Variants in CNOT1 observed in about 807,000 individuals in gnomAD.
CNOT1 encodes CCR4-NOT transcription complex subunit 1.
Under a neutral mutation model 273.8 loss-of-function variants are expected in CNOT1, and 15 were observed. The ratio of observed to expected loss-of-function variants is 0.05; its 90% CI spans 0.04 to 0.08. The LOEUF is 0.08. Ranked by LOEUF, CNOT1 falls within the 10% of genes least tolerant of loss-of-function variation. The pLI is 1.00. For synonymous variants in CNOT1, 1,022 were observed against 1,005.5 expected (o/e 1.02, Z -0.31); for missense variants, 1,644 against 2,912.2 (o/e 0.56, Z 10.02).
At chr16:58,587,324 C>A (rs1296736161) in intron 5 of CNOT1, 21 bp downstream of exon 5, 2 of 1,613,828 alleles carry the variant, frequency 1.2e-6, no homozygotes, top group East Asian at 4.5e-5. Flanking sequence ...TTGTCTACAT[C>A]TCTTTTCATA....
At chr16:58,597,007 C>A (rs569133573) in intron 2 of CNOT1, among the ~76,000 whole-genome samples, 1 of 150,852 alleles carries the variant, frequency 6.6e-6, no homozygotes, top group South Asian at 2.1e-4. Flanking sequence ...AGTCCTCTTG[C>A]CAAACAGGAC....
At chr16:58,522,555 A>AGTGTGT (rs10701404) in intron 47 of CNOT1, among the ~76,000 whole-genome samples, 3 of 151,500 alleles carry the variant, frequency 2.0e-5, no homozygotes, top group South Asian at 2.1e-4. Context: ...CAATTTTTAA[A>AGTGTGT]GTGTGTGTGT....
Position 58,558,587 on chromosome 16 carries a change from A to C in CNOT1, c.2218T>G (p.Leu740Val). ...TQSMQGFPPN[L>V]GSAFSTPQSP... is the part of the protein sequence containing the mutation. ...TGAGGGGTACTGAATGCAGAACCCA[A>C]ATTTGGAGGAAAACCCTGCATACTC... The change falls in exon 18 of 49, where the codon TTG becomes GTG. Residue 740 changes from leucine to valine, a missense_variant. Transcript: ENST00000317147. 6.2e-7 allele frequency: 1 copy of C among 1,613,344 alleles called. No individual in the cohort carries two copies. Among genetic ancestry groups the C allele is most frequent in the Non-Finnish European group, 8.5e-7 (1 of 1,179,668 alleles).
Position 58,541,590 on chromosome 16 carries a change from C to T in CNOT1, c.4711G>A (p.Val1571Ile). 1 of 1,614,016 alleles carries T rather than the reference C, an allele frequency of 6.2e-7. No homozygotes were observed. Among genetic ancestry groups the T allele is most frequent in the Non-Finnish European group, 8.5e-7 (1 of 1,179,914 alleles). The change falls in exon 34 of 49, where the codon GTT (valine) becomes ATT (isoleucine). Residue 1571 changes from valine (V) to isoleucine (I), a missense_variant. Physicochemically the swap from Val to Ile is conservative, Grantham distance 29. Transcript: ENST00000317147. ...ACATTGCGTGCAAACTCTTCGTAAA[C>T]AGCCAACTGCTTTGGGTCCACACCA... ...VGGVDPKQLAVYEEFARNVPG... is the reference protein window; with the variant it reads ...VGGVDPKQLAIYEEFARNVPG...
intron 18 of CNOT1, 95 bp from the exon 19 acceptor site, chr16:58,557,088 TAA>T (rs2040656280): frequency 2.1e-6 from 3 of 1,432,826 alleles, no homozygotes; most frequent in African/African-American, 2.9e-5. Flanking sequence ...ACTTTTAAAA[TAA>T]AGTCATAGTA....
chr16:58,571,532 C>T (rs1198490433), intron 16 of CNOT1, among the ~76,000 whole-genome samples: 4 of 152,064 alleles, frequency 2.6e-5, no homozygotes, highest in Admixed American at 6.6e-5. Flanking sequence ...CACACTCCAG[C>T]CTGGGTGACA....
chr16:58,546,964 A>G (rs2151922972), intron 27 of CNOT1, among the ~76,000 whole-genome samples: 1 of 152,312 alleles, frequency 6.6e-6, no homozygotes, highest in South Asian at 2.1e-4. Flanking sequence ...CCTATATCAC[A>G]TTTCAAAAAC....
In CNOT1 at chr16:58,576,422, T is replaced by G. The variant is rs1324557586; in HGVS notation, c.1704+41A>C. On this transcript the variant is annotated intron_variant, in intron 14 of 48. Coordinates refer to ENST00000317147, the MANE Select transcript of CNOT1 (RefSeq NM_016284.5). ...CACCGCGCCCGGCCTTTTTTTCTCATTAGTAAATAAACTGGTGTCAGTCTG... is the reference window on the plus strand; with the variant it reads ...CACCGCGCCCGGCCTTTTTTTCTCAGTAGTAAATAAACTGGTGTCAGTCTG... 3.1e-6 allele frequency: 5 copies of G among 1,611,988 alleles called. No individual in the cohort carries two copies. The Admixed American group carries it at 8.3e-5, about 27-fold the overall frequency.
Position 58,599,504 on chromosome 16 carries a change from C to T in CNOT1, c.-167G>A. On this transcript the variant is annotated 5_prime_UTR_variant, in exon 2 of 49. An upstream start codon of the reference 5' UTR is lost. Transcript: ENST00000317147. ...CCAGGGGTCTTACTCTGTTCTGAAA[C>T]ATGGCACCTGTTTAAAAAAACACAC... 2 of 732,780 alleles carry T rather than the reference C, an allele frequency of 2.7e-6. No homozygotes were observed. Among genetic ancestry groups the T allele is most frequent in the Non-Finnish European group, 2.1e-6 (1 of 479,096 alleles). The allele number at this position is 732,780 out of a possible 1,614,324, so 45.4% of individuals were successfully genotyped here. A position where few individuals can be genotyped will look rare whatever the true frequency, so the allele number is the denominator to read the frequency against.
intron 7 of CNOT1, among the ~76,000 whole-genome samples, chr16:58,586,255 G>A (rs2041832643): frequency 8.6e-4 from 1 of 1,158 alleles, no homozygotes; most frequent in Non-Finnish European, 1.6e-3. Context: ...GGAGGGGAGG[G>A]GAGGCGAGGG....
rs2040538541 is a variant in CNOT1, at chr16:58,553,868, CA to C, written c.2892-9del. 1.2e-6 allele frequency: 2 copies of C among 1,604,130 alleles called. No individual in the cohort carries two copies. The highest frequency in any genetic ancestry group is 1.4e-5 in the African/African-American group (1 of 74,020). ...TGGGGATAGTCCTTCAATCTGCCAA[CA>C]AAATTATTCTACCATCATTTCATGT... On this transcript the variant is annotated splice_polypyrimidine_tract_variant and intron_variant, in intron 21 of 48. Coordinates refer to ENST00000317147, the MANE Select transcript of CNOT1 (RefSeq NM_016284.5).
Position 58,528,630 on chromosome 16 carries a change from G to A in CNOT1, c.6298C>T (p.Leu2100=). Residue 2100 remains leucine (L), a synonymous_variant, in exon 44 of 49, where the codon CTG becomes TTG. Transcript: ENST00000317147. ...TCTGGGAAATCATGCAAAAGAACCA[G>A]CAGCACTCTTAAAGTGCCCTATTTT... ...ILYKGTLRVL[L]VLLHDFPEFL... The A allele has an allele frequency of 6.2e-7, 1 of 1,612,512 alleles. No homozygotes were observed. The highest frequency in any genetic ancestry group is 8.5e-7 in the Non-Finnish European group (1 of 1,179,306).
In CNOT1 at chr16:58,587,833, T is replaced by C. The variant is rs747669775; in HGVS notation, c.256A>G (p.Asn86Asp). 3.7e-6 allele frequency: 6 copies of C among 1,613,792 alleles called. No individual in the cohort carries two copies. Among genetic ancestry groups the C allele is most frequent in the East Asian group, 2.2e-5 (1 of 44,868 alleles). Residue 86 changes from asparagine to aspartate, a missense_variant, in exon 4 of 49, where the codon AAT (asparagine) becomes GAT (aspartate). Asn to Asp is a conservative substitution (Grantham distance 23). This residue lies in a region of CNOT1 where 706 missense variants were observed against 1,021.2 expected (regional missense o/e 0.69). Coordinates refer to ENST00000317147, the MANE Select transcript of CNOT1 (RefSeq NM_016284.5). ...GCATAGGACAGCGTCGAGATAAAAT[T>C]TGGCTTTGTAATCAGCAACGCACAC... ...QECALLITKP[N>D]FISTLSYAID...
At chr16:58,555,161 T>C (rs2040591157) in intron 21 of CNOT1, 90 bp downstream of exon 21, 6 of 1,533,450 alleles carry the variant, frequency 3.9e-6, no homozygotes, top group East Asian at 2.3e-5. Flanking sequence ...TGAGCCGAGA[T>C]TGCGCCACTG....
At chr16:58,622,536 G>A (rs573575397) in intron 1 of CNOT1, among the ~76,000 whole-genome samples, 14 of 152,126 alleles carry the variant, frequency 9.2e-5, no homozygotes, top group African/African-American at 3.1e-4. Flanking sequence ...TATCTGACTC[G>A]GAAACTGCTG....
chr16:58,534,499 C>G, intron 39 of CNOT1, 104 bp from the exon 40 acceptor site: 3 of 1,245,890 alleles, frequency 2.4e-6, no homozygotes, highest in Middle Eastern at 2.3e-4. Flanking sequence ...TTTGTTCCTA[C>G]TGTCATATTT....
At chr16:58,626,293 G>A (rs2152059450) in intron 1 of CNOT1, among the ~76,000 whole-genome samples, 1 of 150,636 alleles carries the variant, frequency 6.6e-6, no homozygotes, top group African/African-American at 2.4e-5. Context: ...CTGTAATCCA[G>A]CTACTCAGAA....
Position 58,538,885 on chromosome 16 carries a change from A to C in CNOT1, c.5022T>G (p.Ser1674Arg). 6.2e-7 allele frequency: 1 copy of C among 1,608,732 alleles called. No individual in the cohort carries two copies. The highest frequency in any genetic ancestry group is 8.5e-7 in the Non-Finnish European group (1 of 1,178,978). The change falls in exon 36 of 49, where the codon AGT becomes AGG. Residue 1674 changes from serine (S) to arginine (R), a missense_variant. Physicochemically the swap from Ser to Arg is moderately radical, Grantham distance 110 (BLOSUM62 -1). This residue lies in a region of CNOT1 where 170 missense variants were observed against 273.1 expected (regional missense o/e 0.62). Coordinates refer to ENST00000317147, the MANE Select transcript of CNOT1 (RefSeq NM_016284.5). ...KAVEGLLDATSGADADLLLRY... is the reference protein window; with the variant it reads ...KAVEGLLDATRGADADLLLRY... ...GCAGCAGAAGGTCAGCATCAGCACCACTTGTGGCATCTAGTAAGCCCTCTA... is the reference window on the plus strand; with the variant it reads ...GCAGCAGAAGGTCAGCATCAGCACCCCTTGTGGCATCTAGTAAGCCCTCTA...
rs779730592 is a variant in CNOT1 at position 58,537,184 on chromosome 16, A to G, written c.5451T>C (p.Tyr1817=). The stretch of plus-strand genomic sequence containing the variant: ...CATGAGCACGATCAATCATTGCTTC[A>G]TAGTTGGATCGCACTACTTCCATCA... ...PQLMEVVRSN[Y]EAMIDRAHGG... Residue 1817 remains tyrosine (Y), a synonymous_variant, in exon 39 of 49, where the codon TAT becomes TAC. Transcript: ENST00000317147. 1 of 1,612,188 alleles carries G rather than the reference A, an allele frequency of 6.2e-7. No homozygotes were observed. Among genetic ancestry groups the G allele is most frequent in the Non-Finnish European group, 8.5e-7 (1 of 1,178,834 alleles).
Sources: gnomAD v4.1 joint callset for allele counts (sites outside exome capture counted in the v4.1 genomes callset) on GRCh38, gnomAD v4.1.1 for gene constraint, gnomAD v4.1.1 regional missense constraint, MANE v1.5 for transcripts, NCBI Gene and HGNC (gene_info 2026-07-23, HGNC 2026-07-21) for gene names.